The following VWA3B variants were observed in gnomAD, a reference collection of about 807,000 sequenced individuals.
VWA3B encodes von Willebrand factor A domain-containing protein 3B.
Under a neutral mutation model 158.3 loss-of-function variants are expected in VWA3B, and 138 were observed. The observed-to-expected ratio is 0.87, with a 90% CI of 0.76 to 1.00. The LOEUF (loss-of-function observed/expected upper bound fraction) is 1.00, where lower values mean the gene tolerates loss of function less well. VWA3B is among the 50% of genes least tolerant of loss of function. The pLI is 0.00. For synonymous variants in VWA3B, 596 were observed against 587.3 expected, an observed-to-expected ratio of 1.01 and a Z score of -0.21; for missense variants, 1,555 against 1,565.1, an observed-to-expected ratio of 0.99 and a Z score of 0.11.
chr2:98,194,587 G>T (rs1681882064), intron 12 of VWA3B, 95 bp downstream of exon 12: 3 of 1,454,024 alleles, frequency 2.1e-6, no homozygotes, highest in Admixed American at 4.0e-5. Context: ...GAGGTGTTTT[G>T]CACTCTCAGG....
At chr2:98,328,880 A>G in the VWA3B span, among the ~76,000 whole-genome samples, 1 of 152,220 alleles carries the variant, frequency 6.6e-6, no homozygotes. Context: ...TTTCCAAATC[A>G]TTCTTAATAA....
chr2:98,163,477 A>G (rs4851868), intron 8 of VWA3B, among the ~76,000 whole-genome samples: 93,613 of 152,020 alleles, frequency 0.62, 29,314 homozygotes, highest in East Asian at 0.82. Flanking sequence ...GGCAGAGATC[A>G]CAGTGAGCCG....
At chr2:98,098,774 G>A (rs769016239) in intron 2 of VWA3B, among the ~76,000 whole-genome samples, 13 of 151,908 alleles carry the variant, frequency 8.6e-5, no homozygotes, top group Non-Finnish European at 1.9e-4. Flanking sequence ...GTTGTTTAGT[G>A]GATCCTTTTT....
chr2:98,123,556 A>G (rs1675132481), intron 5 of VWA3B, among the ~76,000 whole-genome samples: 1 of 152,194 alleles, frequency 6.6e-6, no homozygotes, highest in East Asian at 1.9e-4. Context: ...GCAGAGTGGG[A>G]GGTCTGTTGA....
intron 22 of VWA3B, 91 bp downstream of exon 22, chr2:98,270,974 C>A (rs1161481477): frequency 4.8e-6 from 6 of 1,239,496 alleles, no homozygotes; most frequent in African/African-American, 3.0e-5. Context: ...CTGTCTCCCA[C>A]TCCCCGCCAC....
At chr2:98,258,539 T>C (rs1286083253) in intron 21 of VWA3B, among the ~76,000 whole-genome samples, 1 of 151,912 alleles carries the variant, frequency 6.6e-6, no homozygotes, top group Admixed American at 6.6e-5. Flanking sequence ...AGCAATGTTA[T>C]ATAGTTTTCA....
At chr2:98,232,534 T>G (rs1453665074) in intron 16 of VWA3B, among the ~76,000 whole-genome samples, 1 of 152,214 alleles carries the variant, frequency 6.6e-6, no homozygotes, top group Non-Finnish European at 1.5e-5. Context: ...ATCATGCATT[T>G]GCTTTTTCTG....
At chr2:98,169,308 A>G (rs2105285799) in intron 8 of VWA3B, among the ~76,000 whole-genome samples, 2 of 152,384 alleles carry the variant, frequency 1.3e-5, no homozygotes, top group Middle Eastern at 3.4e-3. Flanking sequence ...TCATTGGCAC[A>G]TATTATACAT....
At position 98,128,248 on chromosome 2, in the gene VWA3B, A is replaced by C. The variant is rs759717710; in HGVS notation, c.712A>C (p.Ile238Leu). 1.1e-4 allele frequency: 175 copies of C among 1,614,002 alleles called. No homozygotes were observed. The highest frequency in any genetic ancestry group is 1.4e-4 in the Non-Finnish European group (169 of 1,180,004). The change falls in exon 6 of 28, where the codon ATT becomes CTT. Residue 238 changes from isoleucine (I) to leucine (L), a missense_variant. By Grantham distance (5) the Ile-to-Leu change is conservative. Coordinates refer to ENST00000477737, the MANE Select transcript of VWA3B (RefSeq NM_144992.5). The part of the protein sequence containing the change: ...EAGRDKTIES[I>L]YYFVVGDVPE... ...CACCACTGTTTTGCAGATTGAATCC[A>C]TTTACTACTTTGTGGTGGGGGATGT...
At chr2:98,164,431 C>A (rs546467019) in intron 8 of VWA3B, among the ~76,000 whole-genome samples, 1 of 152,320 alleles carries the variant, frequency 6.6e-6, no homozygotes, top group African/African-American at 2.4e-5. Context: ...TGGGCACATA[C>A]TATGTGTCAG....
rs374199782 is a variant in VWA3B, at chr2:98,236,623, G to A, written c.2566G>A (p.Ala856Thr). Reference protein sequence around the residue: ...ENWLKTYGLVAKKLTLMDALS... With the variant: ...ENWLKTYGLVTKKLTLMDALS... The stretch of plus-strand genomic sequence containing the variant: ...CTGGCTGAAGACCTATGGCTTGGTC[G>A]CCAAGAAACTCACCCTCATGGATGC... The change falls in exon 19 of 28, where the codon GCC (alanine) becomes ACC (threonine). Residue 856 changes from alanine to threonine, a missense_variant. Physicochemically the swap from Ala to Thr is moderately conservative, Grantham distance 58. Coordinates refer to ENST00000477737, the MANE Select transcript of VWA3B (RefSeq NM_144992.5). The A allele has an allele frequency of 3.4e-5, 55 of 1,614,066 alleles. No individual in the cohort carries two copies. The highest frequency in any genetic ancestry group is 6.7e-5 in the East Asian group (3 of 44,900).
chr2:98,242,439 A>G, intron 19 of VWA3B: 1 of 378,344 alleles, frequency 2.6e-6, no homozygotes, highest in South Asian at 2.0e-5. Flanking sequence ...TATGTAATGA[A>G]CCTAGAATTT....
intron 20 of VWA3B, among the ~76,000 whole-genome samples, chr2:98,251,229 T>C (rs1204295597): frequency 6.6e-6 from 1 of 152,192 alleles, no homozygotes; most frequent in Non-Finnish European, 1.5e-5. Context: ...TATCTTCCCT[T>C]TCCAATATCC....
At chr2:98,259,416 A>G (rs1687346209) in intron 21 of VWA3B, among the ~76,000 whole-genome samples, 1 of 151,672 alleles carries the variant, frequency 6.6e-6, no homozygotes. Context: ...TTTCTTATGC[A>G]AAGTATTTAA....
In VWA3B at chr2:98,207,446, C is replaced by T. The variant is rs1433780176; in HGVS notation, c.1738-4484C>T. The T allele has an allele frequency of 1.2e-5, 6 of 484,776 alleles. No individual in the cohort carries two copies. In the East Asian group the frequency reaches 2.1e-4, roughly 17 times the overall value. The allele number at this position is 484,776 out of a possible 1,614,324, so 30.0% of individuals were successfully genotyped here. The stretch of plus-strand genomic sequence containing the variant: ...CTGCATGGCTACAAATCCCTCCATA[C>T]GTTATTGTCATAATCCATATTGGGT... On this transcript the variant is annotated intron_variant, in intron 12 of 27. Coordinates refer to ENST00000477737, the MANE Select transcript of VWA3B (RefSeq NM_144992.5).
chr2:98,128,009 C>T (rs892369614), intron 5 of VWA3B: 6 of 447,730 alleles, frequency 1.3e-5, no homozygotes, highest in East Asian at 7.0e-5. Flanking sequence ...ATATTCTTCT[C>T]GTGCCTTACC....
chr2:98,092,008 A>G (rs940570488), intron 1 of VWA3B, among the ~76,000 whole-genome samples: 3 of 152,260 alleles, frequency 2.0e-5, no homozygotes, highest in African/African-American at 7.2e-5. Context: ...AATATGTTGC[A>G]TATGGCCTTG....
intron 8 of VWA3B, among the ~76,000 whole-genome samples, chr2:98,169,253 A>G (rs1354728331): frequency 6.6e-6 from 1 of 152,230 alleles, no homozygotes; most frequent in African/African-American, 2.4e-5. Context: ...AAAAACAAAG[A>G]CAAAATAAAA....
At chr2:98,316,684 G>C (rs576691712), downstream of VWA3B, among the ~76,000 whole-genome samples, 13 of 151,262 alleles carry the variant, frequency 8.6e-5, no homozygotes, top group African/African-American at 3.2e-4. Context: ...CCCAATGTTT[G>C]AGGAGGGCCT....
Sources: gnomAD v4.1 joint callset for allele counts (sites outside exome capture counted in the v4.1 genomes callset) on GRCh38, gnomAD v4.1.1 for gene constraint, MANE v1.5 for transcripts, NCBI Gene and HGNC (gene_info 2026-07-23, HGNC 2026-07-21) for gene names.